COCH: variants seen among roughly 807,000 people sequenced by gnomAD.
The protein encoded by COCH is cochlin.
COCH carries 40 observed loss-of-function variants against 54.8 expected under a neutral mutation model. The observed-to-expected ratio is 0.73, with a 90% CI of 0.57 to 0.95. COCH has a LOEUF of 0.95. COCH is among the 40% of genes least tolerant of loss of function. The pLI is 0.00. For synonymous variants in COCH, 256 were observed against 237.9 expected, an observed-to-expected ratio of 1.08 and a Z score of -0.70; for missense variants, 605 against 675.0, an observed-to-expected ratio of 0.90 and a Z score of 1.15.
intron 9 of COCH, chr14:30,885,142 T>A: frequency 1.4e-6 from 2 of 1,453,330 alleles, no homozygotes; most frequent in Non-Finnish European, 1.9e-6. Flanking sequence ...TAAACAAATG[T>A]GAGGCTTCTA....
Position 30,875,041 on chromosome 14 carries a change from C to T in COCH, c.35-15C>T. ...GTGGAGGCTGGAGCCAGCCCTCACG[C>T]TTCTCTCTTCGCAGGTGTGTGTCTG... On this transcript the variant is annotated splice_polypyrimidine_tract_variant and intron_variant, in intron 2 of 11. Transcript: ENST00000396618. 3 of 1,612,144 alleles carry T rather than the reference C, an allele frequency of 1.9e-6. No individual in the cohort carries two copies. The highest frequency in any genetic ancestry group is 1.1e-5 in the South Asian group (1 of 90,968).
intron 3 of COCH, 130 bp downstream of exon 3, chr14:30,875,233 C>A: frequency 1.6e-6 from 2 of 1,252,388 alleles, no homozygotes; most frequent in Non-Finnish European, 2.2e-6. Flanking sequence ...AAGGTTGAGC[C>A]GCCGCGTGGC....
intron 3 of COCH, chr14:30,876,257 G>A (rs1895353691): frequency 6.6e-6 from 1 of 152,158 alleles, no homozygotes; most frequent in South Asian, 2.1e-4. Flanking sequence ...TTAACATGTT[G>A]TATTATGTTA....
Position 30,874,682 on chromosome 14 carries a change from T to G in COCH, c.-24+91T>G, listed in dbSNP as rs1895287203. ...GTCGCTCCCAGCCTGTCTGTCGTCG[T>G]TTTGGCGCCCCCGCCTCCCCGCGGT... On this transcript the variant is annotated intron_variant, in intron 1 of 11. Coordinates refer to ENST00000396618, the MANE Select transcript of COCH (RefSeq NM_004086.3). 4 of 589,108 alleles carry G rather than the reference T, an allele frequency of 6.8e-6. No homozygotes were observed. In the Admixed American group the frequency reaches 1.2e-4, roughly 18 times the overall value. The allele number at this position is 589,108 out of a possible 1,614,324, so 36.5% of individuals were successfully genotyped here. A position where few individuals can be genotyped will look rare whatever the true frequency, so the allele number is the denominator to read the frequency against.
intron 9 of COCH, 181 bp downstream of exon 9, chr14:30,884,837 A>C: frequency 7.0e-7 from 1 of 1,437,546 alleles, no homozygotes; most frequent in Non-Finnish European, 9.3e-7. Flanking sequence ...AAGTATACCA[A>C]AGTGTTGATA....
Position 30,877,661 on chromosome 14 carries a change from GA to G in COCH, c.174del (p.Glu58AspfsTer8), listed in dbSNP as rs1468941451. 1 of 1,614,072 alleles carries G rather than the reference GA, an allele frequency of 6.2e-7. No individual in the cohort carries two copies. Among genetic ancestry groups the G allele is most frequent in the Non-Finnish European group, 8.5e-7 (1 of 1,180,048 alleles). ...CTGCCCAGGGGGCTGCCCTCTTGAG[GA>G]ATTCTCTGTGTATGGGAACATAGTA... is the stretch of plus-strand genomic sequence containing the variant. ...VLCPGGCPLE[E>X]FSVYGNIVYA... On this transcript the variant is annotated frameshift_variant, in exon 4 of 12. Transcript: ENST00000396618. LOFTEE classifies it high-confidence loss of function. The surrounding 1 kb of genome is among the most constrained non-coding windows in gnomAD (Gnocchi z 8.6).
chr14:30,877,168 A>G lies in COCH; in HGVS notation c.83-404A>G, dbSNP rs1049059850. On this transcript the variant is annotated intron_variant, in intron 3 of 11. Transcript: ENST00000396618. This position sits in a 1 kb window ranked among gnomAD's most constrained non-coding sequence, Gnocchi z 8.6. ...GACTTTTATTTTCTAGTTCAGATATAGTTCCAATTATGTATTTCCAACCTG... is the reference window on the plus strand; with the variant it reads ...GACTTTTATTTTCTAGTTCAGATATGGTTCCAATTATGTATTTCCAACCTG... 6.6e-6 allele frequency among the ~76,000 whole-genome samples: 1 copy of G among 152,092 alleles called. No homozygotes were observed. The highest frequency in any genetic ancestry group is 1.5e-5 in the Non-Finnish European group (1 of 68,008).
intron 3 of COCH, chr14:30,875,463 C>T (rs1055321360): frequency 5.5e-6 from 3 of 546,188 alleles, no homozygotes; most frequent in East Asian, 3.0e-5. Flanking sequence ...CGCACCAGTC[C>T]TGGGCTCTGC....
At chr14:30,895,451 G>A (rs761594472), downstream of COCH, 1 of 1,613,538 alleles carries the variant, frequency 6.2e-7, no homozygotes, top group South Asian at 1.1e-5. Context: ...TCCTGCACTA[G>A]CTATATATGC....
Position 30,886,310 on chromosome 14 carries a change from C to T in COCH, c.1475C>T (p.Ala492Val). 1 of 1,614,050 alleles carries T rather than the reference C, an allele frequency of 6.2e-7. No homozygotes were observed. Among genetic ancestry groups the T allele is most frequent in the Non-Finnish European group, 8.5e-7 (1 of 1,180,000 alleles). The change falls in exon 11 of 12, where the codon GCA becomes GTA. Residue 492 changes from alanine to valine, a missense_variant and splice_region_variant. Ala to Val is a moderately conservative substitution (Grantham distance 64, BLOSUM62 0). Transcript: ENST00000396618. ...GGCCCTGCAGCTGCTGCACATGATG[C>T]AGGTAAGGTCCTTGTTCTTTATAGG... is the stretch of plus-strand genomic sequence containing the variant. ...VQGPAAAAHD[A>V]GITIFSVGVA...
At position 30,882,580 on chromosome 14, in the gene COCH, G is replaced by A. The variant is rs140441944; in HGVS notation, c.629+1846G>A. 4.4e-4 allele frequency among the ~76,000 whole-genome samples: 67 copies of A among 151,634 alleles called. 1 individual carries two copies. Among genetic ancestry groups the A allele is most frequent in the African/African-American group, 1.5e-3 (61 of 41,304 alleles). Reference sequence around the variant, plus strand: ...CATCAAAAATATTTCATAATATTCCGCTGCATGATTAGTCATTCTTATTAT... The same window carrying A: ...CATCAAAAATATTTCATAATATTCCACTGCATGATTAGTCATTCTTATTAT... On this transcript the variant is annotated intron_variant, in intron 8 of 11. Transcript: ENST00000396618.
chr14:30,894,609 CCTTG>C (rs1210337227), downstream of COCH: 1 of 154,438 alleles, frequency 6.5e-6, no homozygotes, highest in African/African-American at 2.4e-5. Context: ...ACTTAATAGT[CCTTG>C]GTTTATGAAG....
At position 30,878,870 on chromosome 14, in the gene COCH, A is replaced by G; in HGVS notation, c.299A>G (p.Asn100Ser). The change falls in exon 5 of 12, where the codon AAC (asparagine) becomes AGC (serine). Residue 100 changes from asparagine (N) to serine (S), a missense_variant. Transcript: ENST00000396618. ...GTCTATAGCCTACCTGGTCGAGAAA[A>G]CTATTCCTCAGTAGATGCCAATGGC... ...VRVYSLPGRE[N>S]YSSVDANGIQ... 1 of 1,614,098 alleles carries G rather than the reference A, an allele frequency of 6.2e-7. No individual in the cohort carries two copies. Among genetic ancestry groups the G allele is most frequent in the Non-Finnish European group, 8.5e-7 (1 of 1,180,024 alleles).
intron 11 of COCH, among the ~76,000 whole-genome samples, chr14:30,886,960 A>G (rs10148750): frequency 0.99 from 150,932 of 152,258 alleles, 74,821 homozygotes; most frequent in East Asian, 1. Context: ...GGGCTCAAGC[A>G]ATCCTCACAC....
At chr14:30,880,376 G>A in intron 6 of COCH, 76 bp from the exon 7 acceptor site, 2 of 1,588,992 alleles carry the variant, frequency 1.3e-6, no homozygotes, top group Non-Finnish European at 8.6e-7. Context: ...CTGTTGTTAT[G>A]AGCTTCTCCC....
intron 9 of COCH, 118 bp from the exon 10 acceptor site, chr14:30,885,276 C>A: frequency 1.0e-6 from 1 of 995,926 alleles, no homozygotes; most frequent in Non-Finnish European, 1.5e-6. Flanking sequence ...GTGTGCCCCG[C>A]CCCACTGCCA....
intron 3 of COCH, chr14:30,875,705 A>G (rs550097646): frequency 2.9e-4 from 50 of 175,044 alleles, no homozygotes; most frequent in Admixed American, 8.7e-4. Flanking sequence ...TGTATTTTCC[A>G]GTGTAAAAGG....
chr14:30,887,890 A>C (rs1895845844), intron 11 of COCH, among the ~76,000 whole-genome samples: 1 of 152,190 alleles, frequency 6.6e-6, no homozygotes, highest in Admixed American at 6.5e-5. Flanking sequence ...CATATTCCTT[A>C]ATACTTAGCT....
At chr14:30,885,014 G>A (rs377122974) in intron 9 of COCH, 115 of 1,598,212 alleles carry the variant, frequency 7.2e-5, no homozygotes, top group East Asian at 1.8e-4. Context: ...TAGCACTACC[G>A]TTGACTCTGA....
Sources: allele counts gnomAD v4.1 joint callset (sites outside exome capture counted in the v4.1 genomes callset), GRCh38; gene constraint gnomAD v4.1.1; non-coding constraint Gnocchi (gnomAD v3.1); transcripts MANE v1.5; gene names NCBI Gene and HGNC (gene_info 2026-07-23, HGNC 2026-07-21).